CNTNAP5: variants seen among roughly 807,000 people sequenced by gnomAD.
The protein encoded by CNTNAP5 is contactin associated protein family member 5.
In CNTNAP5, 72 loss-of-function variants were observed where a neutral mutation model predicts 150.2. The observed-to-expected ratio is 0.48, with a 90% CI of 0.40 to 0.58. CNTNAP5 has a LOEUF of 0.58. Among genes scored for constraint, CNTNAP5 ranks in the 20% least tolerant of loss-of-function variants. CNTNAP5 has a pLI of 0.00. For synonymous variants in CNTNAP5, 672 were observed against 619.8 expected (o/e 1.08, Z -1.25); for missense variants, 1,636 against 1,626.2 (o/e 1.01, Z -0.10).
chr2:124,216,851 C>T (rs58929276), intron 1 of CNTNAP5, among the ~76,000 whole-genome samples: 8 of 151,962 alleles, frequency 5.3e-5, no homozygotes, highest in Non-Finnish European at 7.4e-5. Flanking sequence ...AATAAACATA[C>T]GTGTGCATGT....
At chr2:124,365,104 C>T (rs1690335849) in intron 3 of CNTNAP5, among the ~76,000 whole-genome samples, 1 of 152,048 alleles carries the variant, frequency 6.6e-6, no homozygotes, top group South Asian at 2.1e-4. Flanking sequence ...AGGGATGAGG[C>T]ATTTGAGACC....
intron 3 of CNTNAP5, among the ~76,000 whole-genome samples, chr2:124,360,320 T>C (rs1690161432): frequency 6.7e-6 from 1 of 150,062 alleles, no homozygotes; most frequent in South Asian, 2.1e-4. Context: ...TTAAAGTTAA[T>C]ATTGTTATGT....
Position 124,368,312 on chromosome 2 carries a change from T to C in CNTNAP5, c.382-49131T>C, listed in dbSNP as rs143388818. Among the ~76,000 whole-genome samples, 1,342 of 152,288 alleles carry C rather than the reference T, an allele frequency of 8.8e-3. 18 individuals carry two copies. The highest frequency in any genetic ancestry group is 0.028 in the African/African-American group (1,163 of 41,564). ...GAAATGCCATTTCCATTCATCTGAT[T>C]GACATACAGATCAAAACTTCTGTAA... On this transcript the variant is annotated intron_variant, in intron 3 of 23. Transcript: ENST00000682447.
intron 6 of CNTNAP5, among the ~76,000 whole-genome samples, chr2:124,472,563 A>T (rs540558935): frequency 1.3e-3 from 192 of 150,290 alleles, no homozygotes; most frequent in African/African-American, 3.9e-3. Flanking sequence ...AAGGTGTTTT[A>T]TATATATATA....
rs796677553 is a variant in CNTNAP5, at chr2:124,765,214, A to G, written c.2533+1067A>G. Among the ~76,000 whole-genome samples, 27 of 152,224 alleles carry G rather than the reference A, an allele frequency of 1.8e-4. 1 individual carries two copies. Among genetic ancestry groups the G allele is most frequent in the African/African-American group, 6.3e-4 (26 of 41,558 alleles). On this transcript the variant is annotated intron_variant, in intron 16 of 23. Coordinates refer to ENST00000682447, the MANE Select transcript of CNTNAP5 (RefSeq NM_001367498.1). ...CAGGATTGATTCTAGAAACTTCTAC[A>G]TGTCTCTGCAAGCAAAAAAATTCTA...
At chr2:124,151,977 A>G (rs949116725) in intron 1 of CNTNAP5, among the ~76,000 whole-genome samples, 2 of 152,212 alleles carry the variant, frequency 1.3e-5, no homozygotes, top group Admixed American at 6.5e-5. Flanking sequence ...AGAATAGGAA[A>G]ATAAGTTTAT....
chr2:124,563,294 C>G lies in CNTNAP5; in HGVS notation c.1727C>G (p.Thr576Arg). Residue 576 changes from threonine (T) to arginine (R), a missense_variant, in exon 11 of 24, where the codon ACA becomes AGA. By Grantham distance (71) the Thr-to-Arg change is moderately conservative. Transcript: ENST00000682447. ...ACCTTCTATTGTAACTGCAGTGACA[C>G]AAGTTACACTGGTGCCACCTGCCAC... ...WTTFYCNCSD[T>R]SYTGATCHNS... 1 of 1,569,564 alleles carries G rather than the reference C, an allele frequency of 6.4e-7. No individual in the cohort carries two copies. Among genetic ancestry groups the G allele is most frequent in the South Asian group, 1.2e-5 (1 of 85,414 alleles).
At chr2:124,586,159 T>G (rs1344599976) in intron 11 of CNTNAP5, among the ~76,000 whole-genome samples, 1 of 152,182 alleles carries the variant, frequency 6.6e-6, no homozygotes, top group Non-Finnish European at 1.5e-5. Context: ...TTAGACTCCC[T>G]GCTCACTAGA....
chr2:124,213,102 T>A (rs1456782916), intron 1 of CNTNAP5, among the ~76,000 whole-genome samples: 1 of 152,078 alleles, frequency 6.6e-6, no homozygotes, highest in Non-Finnish European at 1.5e-5. Context: ...CCTCCCAAAG[T>A]GCTGGGATTA....
At chr2:124,317,837 G>A (rs1216146127) in intron 3 of CNTNAP5, among the ~76,000 whole-genome samples, 1 of 152,102 alleles carries the variant, frequency 6.6e-6, no homozygotes, top group Non-Finnish European at 1.5e-5. Context: ...TGGAACATGT[G>A]TGTGTGTGTG....
At chr2:124,376,866 C>T (rs918356196) in intron 3 of CNTNAP5, among the ~76,000 whole-genome samples, 4 of 152,088 alleles carry the variant, frequency 2.6e-5, no homozygotes, top group South Asian at 4.2e-4. Context: ...TCAGGTTTCA[C>T]GCACCAGAGA....
At position 124,789,775 on chromosome 2, in the gene CNTNAP5, T is replaced by TA. The variant is rs1394929710; in HGVS notation, c.2753-120dup. ...ATTCCAACTCTCACTGAAACTTTAA[T>TA]AAAAAAATTAATTTAGACCTTCATG... On this transcript the variant is annotated intron_variant, in intron 17 of 23. Transcript: ENST00000682447. 12 of 827,618 alleles carry TA rather than the reference T, an allele frequency of 1.4e-5. No individual in the cohort carries two copies. The East Asian group carries it at 1.7e-4, about 11-fold the overall frequency. 51.3% of individuals were successfully genotyped at this position (827,618 alleles called of 1,614,324 possible).
At chr2:124,668,723 CTT>C (rs1312720606) in intron 13 of CNTNAP5, among the ~76,000 whole-genome samples, 1 of 152,122 alleles carries the variant, frequency 6.6e-6, no homozygotes, top group Non-Finnish European at 1.5e-5. Context: ...TTTCAAATCT[CTT>C]ATTACTAAGA....
chr2:124,242,996 G>A (rs1010076373), intron 3 of CNTNAP5, among the ~76,000 whole-genome samples: 17 of 152,134 alleles, frequency 1.1e-4, no homozygotes, highest in Non-Finnish European at 1.5e-5. Context: ...TCAGAGTGAA[G>A]GACAGTTTGC....
intron 1 of CNTNAP5, among the ~76,000 whole-genome samples, chr2:124,138,998 A>T (rs1466955110): frequency 1.3e-5 from 2 of 152,064 alleles, no homozygotes; most frequent in African/African-American, 4.8e-5. Context: ...CTAGGGTGCT[A>T]TATATTGAGT....
At chr2:124,350,866 C>CT (rs201142358) in intron 3 of CNTNAP5, among the ~76,000 whole-genome samples, 15 of 151,932 alleles carry the variant, frequency 9.9e-5, no homozygotes, top group South Asian at 4.2e-4. Flanking sequence ...TCTTTAAAGC[C>CT]TTTTTTTTCG....
chr2:124,361,990 G>A (rs186973408), intron 3 of CNTNAP5, among the ~76,000 whole-genome samples: 9 of 152,214 alleles, frequency 5.9e-5, no homozygotes, highest in African/African-American at 1.7e-4. Context: ...CTCTGAGCCA[G>A]GTGCGGGATA....
At chr2:124,296,005 A>G (rs141708669) in intron 3 of CNTNAP5, among the ~76,000 whole-genome samples, 352 of 152,354 alleles carry the variant, frequency 2.3e-3, no homozygotes, top group African/African-American at 7.9e-3. Context: ...TGCATATTCA[A>G]TGAAGAAAGT....
intron 2 of CNTNAP5, among the ~76,000 whole-genome samples, chr2:124,241,669 A>G (rs983881729): frequency 6.6e-6 from 1 of 152,220 alleles, no homozygotes; most frequent in African/African-American, 2.4e-5. Context: ...CTTCAAAGGC[A>G]TAGTCGGTGT....
Sources: allele counts gnomAD v4.1 joint callset (sites outside exome capture counted in the v4.1 genomes callset), GRCh38; gene constraint gnomAD v4.1.1; transcripts MANE v1.5; gene names NCBI Gene and HGNC (gene_info 2026-07-23, HGNC 2026-07-21).